The following DNPEP variants were observed in gnomAD, a reference collection of about 807,000 sequenced individuals.
DNPEP encodes the protein aspartyl aminopeptidase.
Under a neutral mutation model 59.1 loss-of-function variants are expected in DNPEP, and 46 were observed. That is an observed-to-expected ratio of 0.78 (90% CI 0.61 to 0.99). DNPEP has a LOEUF of 0.99. Among genes scored for constraint, DNPEP ranks in the 50% least tolerant of loss-of-function variants. DNPEP has a pLI of 0.00. For missense variants in DNPEP, 617 were observed against 649.9 expected (o/e 0.95, Z 0.55); for synonymous variants, 229 against 242.2 (o/e 0.95, Z 0.50).
intron 11 of DNPEP, 54 bp downstream of exon 11, chr2:219,381,925 T>C: frequency 6.3e-7 from 1 of 1,598,464 alleles, no homozygotes; most frequent in Non-Finnish European, 8.6e-7. Context: ...CAAGGCAGGT[T>C]ATGCTTGGGT....
At chr2:219,388,891 T>G, upstream of DNPEP, 1 of 985,322 alleles carries the variant, frequency 1.0e-6, no homozygotes, top group Non-Finnish European at 1.2e-6. Flanking sequence ...CCCCAGTTTA[T>G]GCATGAACAG....
In DNPEP at chr2:219,386,728, G is replaced by T. The variant is rs1559340805; in HGVS notation, c.270C>A (p.Gly90=). 1 of 1,612,978 alleles carries T rather than the reference G, an allele frequency of 6.2e-7. No individual in the cohort carries two copies. Among genetic ancestry groups the T allele is most frequent in the Non-Finnish European group, 8.5e-7 (1 of 1,179,682 alleles). The change falls in exon 4 of 15, where the codon GGC becomes GGA. Residue 90 remains glycine, a synonymous_variant. Coordinates refer to ENST00000273075, the MANE Select transcript of DNPEP (RefSeq NM_012100.4). The part of the protein sequence containing the change: ...SSTIIAFAVG[G]QYVPGNGFSL... ...TGAAGCCATTGCCAGGAACGTACTG[G>T]CCCCCTACAGCAAAAGCTATGATGG... is the stretch of plus-strand genomic sequence containing the variant.
At chr2:219,391,361 A>G (rs1311322657), upstream of DNPEP, among the ~76,000 whole-genome samples, 2 of 152,176 alleles carry the variant, frequency 1.3e-5, no homozygotes, top group African/African-American at 4.8e-5. Context: ...GGCCGATTTC[A>G]AGCTGTCGAG....
rs1355000558 is a variant in DNPEP, at chr2:219,385,502, G to T, written c.696C>A (p.Ser232=). 1.2e-6 allele frequency: 2 copies of T among 1,604,762 alleles called. No individual in the cohort carries two copies. The highest frequency in any genetic ancestry group is 2.7e-5 in the African/African-American group (2 of 74,772). ...VDERHHSVLM[S]LLCAHLGLSP... Reference sequence around the variant, plus strand: ...TCAGCCCCAGATGGGCACAGAGCAGGGACATGAGGACCGAATGGTGCCGCT... The same window carrying T: ...TCAGCCCCAGATGGGCACAGAGCAGTGACATGAGGACCGAATGGTGCCGCT... Residue 232 remains serine, a synonymous_variant, in exon 8 of 15, where the codon TCC becomes TCA. Coordinates refer to ENST00000273075, the MANE Select transcript of DNPEP (RefSeq NM_012100.4).
upstream of DNPEP, among the ~76,000 whole-genome samples, chr2:219,391,490 A>T (rs1954015776): frequency 6.6e-6 from 1 of 152,216 alleles, no homozygotes. Flanking sequence ...AGAAGGCAGT[A>T]AAATGTTTGG....
upstream of DNPEP, chr2:219,388,593 C>T (rs1020401991): frequency 1.2e-5 from 8 of 650,664 alleles, no homozygotes; most frequent in South Asian, 6.8e-5. Flanking sequence ...GACCCGCAGC[C>T]GCCGCCAGGG....
In DNPEP at chr2:219,385,525, G is replaced by A. The variant is rs774093656; in HGVS notation, c.673C>T (p.Arg225Trp). 5 of 1,603,068 alleles carry A rather than the reference G, an allele frequency of 3.1e-6. No homozygotes were observed. In the South Asian group the frequency reaches 3.3e-5, roughly 11 times the overall value. The part of the protein sequence containing the change: ...EPGPLNAVDE[R>W]HHSVLMSLLC... Reference sequence around the variant, plus strand: ...AGGGACATGAGGACCGAATGGTGCCGCTCATCCTGAAGAGCAGAAAGATGC... The same window carrying A: ...AGGGACATGAGGACCGAATGGTGCCACTCATCCTGAAGAGCAGAAAGATGC... Residue 225 changes from arginine (R) to tryptophan (W), a missense_variant, in exon 8 of 15, where the codon CGG (arginine) becomes TGG (tryptophan). Transcript: ENST00000273075.
At chr2:219,389,788 G>A (rs915294816), upstream of DNPEP, among the ~76,000 whole-genome samples, 4 of 151,946 alleles carry the variant, frequency 2.6e-5, no homozygotes, top group Admixed American at 6.6e-5. Flanking sequence ...AGCTGAGATC[G>A]TGCCACTGCA....
In DNPEP at chr2:219,378,045, T is replaced by C. The variant is rs529049565; in HGVS notation, c.1240-3023A>G. On this transcript the variant is annotated intron_variant, in intron 13 of 14. Transcript: ENST00000273075. Reference sequence around the variant, plus strand: ...TCATTTTAAAAAAGTGTATATGAAGTTTATGCATAGAAAAAAATCTGGAAG... The same window carrying C: ...TCATTTTAAAAAAGTGTATATGAAGCTTATGCATAGAAAAAAATCTGGAAG... 5.3e-5 allele frequency among the ~76,000 whole-genome samples: 8 copies of C among 152,188 alleles called. No homozygotes were observed. In the East Asian group the frequency reaches 1.5e-3, roughly 29 times the overall value.
chr2:219,398,348 G>A (rs138151617), intron 1 of DNPEP, among the ~76,000 whole-genome samples: 1 of 152,208 alleles, frequency 6.6e-6, no homozygotes, highest in Admixed American at 6.5e-5. Flanking sequence ...GTGAATAAAT[G>A]GCAAATAATA....
chr2:219,383,292 G>T, intron 9 of DNPEP, 78 bp from the exon 10 acceptor site: 2 of 1,259,246 alleles, frequency 1.6e-6, no homozygotes, highest in Non-Finnish European at 1.2e-6. Context: ...CCTTGGGTGT[G>T]CACGCTCCCC....
At chr2:219,381,850 G>A in intron 11 of DNPEP, 129 bp downstream of exon 11, 1 of 1,189,586 alleles carries the variant, frequency 8.4e-7, no homozygotes, top group African/African-American at 1.5e-5. Context: ...AAAAGGAAGT[G>A]CCCGTGAACC....
At chr2:219,377,967 A>G (rs16859854) in intron 13 of DNPEP, among the ~76,000 whole-genome samples, 14,749 of 152,034 alleles carry the variant, frequency 0.097, 873 homozygotes, top group East Asian at 0.21. Context: ...CTCAAATAGA[A>G]AGGTGAAGAT....
chr2:219,386,204 C>A (rs1953822376), intron 5 of DNPEP, 82 bp downstream of exon 5: 2 of 1,610,188 alleles, frequency 1.2e-6, no homozygotes, highest in Non-Finnish European at 1.7e-6. Context: ...ACTGCCCCCA[C>A]CCCTCTTCCC....
upstream of DNPEP, among the ~76,000 whole-genome samples, chr2:219,391,795 C>T (rs150637872): frequency 8.7e-4 from 131 of 149,760 alleles, no homozygotes; most frequent in Middle Eastern, 3.4e-3. Flanking sequence ...ATAGAATCAG[C>T]ATCTGCATGT....
At chr2:219,387,256 G>A (rs201418612) in intron 1 of DNPEP, 93 bp from the exon 2 acceptor site, 70 of 1,514,526 alleles carry the variant, frequency 4.6e-5, no homozygotes, top group Non-Finnish European at 6.0e-5. Context: ...ACCCCCAGAA[G>A]TGACCACTCT....
intron 1 of DNPEP, chr2:219,399,448 C>A (rs1187976707): frequency 2.2e-6 from 1 of 460,304 alleles, no homozygotes. Context: ...ACCTGAAACT[C>A]CTGATTTGGA....
chr2:219,380,991 G>A (rs921920085), intron 13 of DNPEP, among the ~76,000 whole-genome samples: 2 of 150,256 alleles, frequency 1.3e-5, no homozygotes, highest in African/African-American at 2.4e-5. Context: ...CAGGGGAAGT[G>A]GGGGTGCTGC....
chr2:219,386,451 C>A, intron 4 of DNPEP, 40 bp from the exon 5 acceptor site: 2 of 1,612,862 alleles, frequency 1.2e-6, no homozygotes, highest in Non-Finnish European at 1.7e-6. Context: ...GGCTTCATGA[C>A]GATATGTGGA....
Sources: allele counts gnomAD v4.1 joint callset (sites outside exome capture counted in the v4.1 genomes callset), GRCh38; gene constraint gnomAD v4.1.1; transcripts MANE v1.5; gene names NCBI Gene and HGNC (gene_info 2026-07-23, HGNC 2026-07-21).